Variants in GLRA2 observed in about 807,000 individuals in gnomAD.
GLRA2 encodes glycine receptor alpha 2.
GLRA2 carries 11 observed loss-of-function variants against 31.6 expected under a neutral mutation model. The ratio of observed to expected loss-of-function variants is 0.35; its 90% CI spans 0.22 to 0.58. The LOEUF is 0.58. Among genes scored for constraint, GLRA2 ranks in the 20% least tolerant of loss-of-function variants. GLRA2 has a pLI of 0.84. For missense variants in GLRA2, 212 were observed against 351.8 expected (o/e 0.60, Z 3.18); for synonymous variants, 132 against 134.0 (o/e 0.99, Z 0.10).
chrX:14,698,067 G>A (rs1374783260), intron 8 of GLRA2, among the ~76,000 whole-genome samples: 1 of 111,638 alleles, frequency 9.0e-6, no homozygotes, highest in Non-Finnish European at 1.9e-5. Flanking sequence ...GGAAACTAAT[G>A]CAAAAAGAAA....
At chrX:14,461,829 G>T in the GLRA2 span, among the ~76,000 whole-genome samples, 1 of 112,131 alleles carries the variant, frequency 8.9e-6, no homozygotes, top group Admixed American at 9.4e-5. Context: ...CTTTGAATTG[G>T]AGCATTTAGC....
chrX:14,581,241 G>A lies in GLRA2; in HGVS notation c.329G>A (p.Ser110Asn). ...TGGAATGATTCACGGCTGGCGTACA[G>A]TGAGTACCCAGATGACTCCCTGGAC... is the stretch of plus-strand genomic sequence containing the variant. ...QQWNDSRLAY[S>N]EYPDDSLDLD... Residue 110 changes from serine (S) to asparagine (N), a missense_variant, in exon 4 of 9, where the codon AGT becomes AAT. Physicochemically the swap from Ser to Asn is conservative, Grantham distance 46. Coordinates refer to ENST00000218075, the MANE Select transcript of GLRA2 (RefSeq NM_002063.4). 8.4e-7 allele frequency: 1 copy of A among 1,193,030 alleles called. No individual in the cohort carries two copies. The highest frequency in any genetic ancestry group is 1.1e-6 in the Non-Finnish European group (1 of 878,270).
the GLRA2 span, among the ~76,000 whole-genome samples, chrX:14,496,254 A>G: frequency 1.8e-5 from 2 of 111,635 alleles, no homozygotes; most frequent in Non-Finnish European, 3.8e-5. Context: ...TGTTCATCAG[A>G]CTATACACCA....
chrX:14,667,095 G>T (rs1402435946), intron 7 of GLRA2, among the ~76,000 whole-genome samples: 1 of 111,736 alleles, frequency 8.9e-6, no homozygotes, highest in Non-Finnish European at 1.9e-5. Flanking sequence ...TTCATTTTGG[G>T]GCCCCATATC....
At chrX:14,663,793 T>G (rs2091013923) in intron 7 of GLRA2, among the ~76,000 whole-genome samples, 1 of 111,516 alleles carries the variant, frequency 9.0e-6, no homozygotes, top group Non-Finnish European at 1.9e-5. Flanking sequence ...CTACTTAGAT[T>G]TTTTAAAAAT....
chrX:14,533,374 A>C (rs1376159328), intron 2 of GLRA2, among the ~76,000 whole-genome samples: 2 of 110,853 alleles, frequency 1.8e-5, no homozygotes, highest in Non-Finnish European at 3.8e-5. Flanking sequence ...CTAAATTTTA[A>C]ATTCATTTCT....
At chrX:14,555,874 C>T (rs2089635472) in intron 2 of GLRA2, among the ~76,000 whole-genome samples, 1 of 111,796 alleles carries the variant, frequency 8.9e-6, no homozygotes, top group Non-Finnish European at 1.9e-5. Flanking sequence ...TGAACATTTA[C>T]TGAATGCCTA....
Position 14,625,749 on chromosome X carries a change from A to G in GLRA2, c.930+16544A>G, listed in dbSNP as rs1569512362. Among the ~76,000 whole-genome samples, 3 of 111,839 alleles carry G rather than the reference A, an allele frequency of 2.7e-5. No individual in the cohort carries two copies. The East Asian group carries it at 8.5e-4, about 32-fold the overall frequency. On this transcript the variant is annotated intron_variant, in intron 7 of 8. Transcript: ENST00000218075. ...ACATCAACATTTTTTAAAGCTGCTC[A>G]AGTGATTCTAATGTGTAGCCAGGGC...
Position 14,647,204 on chromosome X carries a change from G to T in GLRA2, c.930+37999G>T, listed in dbSNP as rs7876387. Among the ~76,000 whole-genome samples, 362 of 112,204 alleles carry T rather than the reference G, an allele frequency of 3.2e-3. 1 individual carries two copies. The highest frequency in any genetic ancestry group is 0.011 in the African/African-American group (348 of 30,969). ...AGCCATTGGAAGTAACACCAATGTG[G>T]GTGCCCCAGAACACATTTGTCCCAA... On this transcript the variant is annotated intron_variant, in intron 7 of 8. Transcript: ENST00000218075.
chrX:14,543,629 C>G (rs3027324), intron 2 of GLRA2, among the ~76,000 whole-genome samples: 22,369 of 110,439 alleles, frequency 0.2, 2,231 homozygotes, highest in Non-Finnish European at 0.31. Flanking sequence ...AATGTAGCTA[C>G]CAAGTTTCTT....
intron 7 of GLRA2, among the ~76,000 whole-genome samples, chrX:14,624,454 T>C (rs763047245): frequency 4.5e-5 from 5 of 111,885 alleles, no homozygotes; most frequent in Non-Finnish European, 7.5e-5. Context: ...AGGTTGTCAA[T>C]TTTAGATCTT....
intron 7 of GLRA2, among the ~76,000 whole-genome samples, chrX:14,659,154 C>T (rs184974716): frequency 4.2e-4 from 47 of 112,341 alleles, no homozygotes; most frequent in Non-Finnish European, 7.3e-4. Flanking sequence ...GGAACATAGT[C>T]ACACTCATTC....
At chrX:14,478,648 G>T in the GLRA2 span, among the ~76,000 whole-genome samples, 3 of 112,005 alleles carry the variant, frequency 2.7e-5, no homozygotes, top group East Asian at 5.6e-4. Context: ...TTCTTCTGTT[G>T]GTGATAGTTT....
the GLRA2 span, among the ~76,000 whole-genome samples, chrX:14,485,084 T>C: frequency 8.9e-6 from 1 of 112,313 alleles, no homozygotes; most frequent in African/African-American, 3.2e-5. Context: ...AAGATGGGCA[T>C]CCTTATTACT....
At chrX:14,486,628 G>A in the GLRA2 span, among the ~76,000 whole-genome samples, 5 of 111,662 alleles carry the variant, frequency 4.5e-5, no homozygotes, top group South Asian at 3.7e-4. Context: ...TTAGGCATAC[G>A]ATGAGATGAC....
At chrX:14,573,378 C>T (rs918111117) in intron 2 of GLRA2, among the ~76,000 whole-genome samples, 9 of 112,016 alleles carry the variant, frequency 8.0e-5, no homozygotes, top group African/African-American at 2.9e-4. Context: ...TTGTTGGGTA[C>T]TGAGCCAACT....
At chrX:14,716,510 A>T (rs1477604782) in intron 8 of GLRA2, among the ~76,000 whole-genome samples, 1 of 111,856 alleles carries the variant, frequency 8.9e-6, no homozygotes, top group African/African-American at 3.3e-5. Context: ...GTAAAGAGAG[A>T]GTTATCTGCC....
chrX:14,705,355 G>A (rs2091606230), intron 8 of GLRA2, among the ~76,000 whole-genome samples: 1 of 111,780 alleles, frequency 8.9e-6, no homozygotes, highest in Non-Finnish European at 1.9e-5. Flanking sequence ...ATGTATGGAG[G>A]CGTTTTTAGT....
intron 7 of GLRA2, among the ~76,000 whole-genome samples, chrX:14,682,352 T>C (rs2091222924): frequency 9.0e-6 from 1 of 110,981 alleles, no homozygotes; most frequent in Non-Finnish European, 1.9e-5. Context: ...CTTCAGATTG[T>C]TTTAGACAAA....
Sources: gnomAD v4.1 joint callset for allele counts (sites outside exome capture counted in the v4.1 genomes callset) on GRCh38, gnomAD v4.1.1 for gene constraint, MANE v1.5 for transcripts, NCBI Gene and HGNC (gene_info 2026-07-23, HGNC 2026-07-21) for gene names.